The following SPHKAP variants were observed in gnomAD, a reference collection of about 807,000 sequenced individuals.
The protein encoded by SPHKAP is SPHK1 interactor, AKAP domain containing.
A neutral mutation model predicts 137.5 loss-of-function variants in SPHKAP; 67 were observed. That is an observed-to-expected ratio of 0.49 (90% CI 0.40 to 0.60). SPHKAP has a LOEUF of 0.60. Among genes scored for constraint, SPHKAP ranks in the 20% least tolerant of loss-of-function variants. The pLI, the probability that SPHKAP is intolerant of heterozygous loss-of-function variation, is 0.00. For synonymous variants in SPHKAP, 813 were observed against 785.3 expected (o/e 1.04, Z -0.59); for missense variants, 2,097 against 2,069.3 (o/e 1.01, Z -0.26).
Position 228,016,766 on chromosome 2 carries a change from A to G in SPHKAP, c.4088T>C (p.Leu1363Pro). The G allele has an allele frequency of 6.2e-7, 1 of 1,614,110 alleles. No individual in the cohort carries two copies. The highest frequency in any genetic ancestry group is 1.6e-4 in the Middle Eastern group (1 of 6,062). ...CGGGCAATCGAGAGACTCCTGAACA[A>G]GCAGAGTTGGCCCACTGCACATCCT... The part of the protein sequence containing the change: ...ASRMCSGPTL[L>P]VQESLDCPRK... The change falls in exon 7 of 12, where the codon CTT (leucine) becomes CCT (proline). Residue 1363 changes from leucine to proline, a missense_variant. Physicochemically the swap from Leu to Pro is moderately conservative, Grantham distance 98. Transcript: ENST00000392056.
chr2:228,094,398 C>A lies in SPHKAP; in HGVS notation c.246+14434G>T, dbSNP rs1383984547. 4.6e-5 allele frequency among the ~76,000 whole-genome samples: 7 copies of A among 152,200 alleles called. No individual in the cohort carries two copies. In the East Asian group the frequency reaches 1.4e-3, roughly 29 times the overall value. ...ATATCTTCTCAGGTTTATCATAGCT[C>A]TTGGGTTCTGCGATTTCACAAATGG... On this transcript the variant is annotated intron_variant, in intron 3 of 11. Transcript: ENST00000392056.
chr2:228,103,621 T>C (rs1698244572), intron 3 of SPHKAP, among the ~76,000 whole-genome samples: 1 of 152,184 alleles, frequency 6.6e-6, no homozygotes, highest in South Asian at 2.1e-4. Context: ...AGGTAACTCT[T>C]GATGCTTAAA....
intron 8 of SPHKAP, among the ~76,000 whole-genome samples, chr2:227,993,860 A>G (rs1693517292): frequency 6.6e-6 from 1 of 152,200 alleles, no homozygotes; most frequent in South Asian, 2.1e-4. Flanking sequence ...AATAATAATA[A>G]GTTGTGATAC....
chr2:228,125,648 T>C lies in SPHKAP; in HGVS notation c.138+6332A>G, dbSNP rs146048681. Among the ~76,000 whole-genome samples the C allele has an allele frequency of 4.7e-3, 723 of 152,292 alleles. 9 individuals carry two copies. The highest frequency in any genetic ancestry group is 0.016 in the African/African-American group (681 of 41,560). On this transcript the variant is annotated intron_variant, in intron 2 of 11. Transcript: ENST00000392056. ...CTGGAGATAACAGTTTTTTTATTTATTATAAAGAGACTAGGAAGAATTTTC... is the reference window on the plus strand; with the variant it reads ...CTGGAGATAACAGTTTTTTTATTTACTATAAAGAGACTAGGAAGAATTTTC...
At chr2:228,127,825 G>T (rs943193732) in intron 2 of SPHKAP, among the ~76,000 whole-genome samples, 1 of 152,072 alleles carries the variant, frequency 6.6e-6, no homozygotes, top group African/African-American at 2.4e-5. Context: ...ACAATAAAGG[G>T]ACTCACAAAA....
At chr2:227,990,017 G>C (rs1693358257) in intron 11 of SPHKAP, among the ~76,000 whole-genome samples, 1 of 152,204 alleles carries the variant, frequency 6.6e-6, no homozygotes, top group African/African-American at 2.4e-5. Flanking sequence ...ATGTGACAGA[G>C]AATGTAGGTG....
At chr2:228,066,461 A>T (rs779111468) in intron 3 of SPHKAP, among the ~76,000 whole-genome samples, 2 of 152,122 alleles carry the variant, frequency 1.3e-5, no homozygotes, top group African/African-American at 2.4e-5. Flanking sequence ...AGAAAATGGT[A>T]ATTTGTGCCT....
At chr2:228,089,029 G>C (rs1030709891) in intron 3 of SPHKAP, among the ~76,000 whole-genome samples, 1 of 152,192 alleles carries the variant, frequency 6.6e-6, no homozygotes, top group Non-Finnish European at 1.5e-5. Flanking sequence ...TTTTGGAACT[G>C]GGTAATGGGA....
At chr2:228,042,767 C>G (rs1204504150) in intron 3 of SPHKAP, among the ~76,000 whole-genome samples, 1 of 152,162 alleles carries the variant, frequency 6.6e-6, no homozygotes, top group Non-Finnish European at 1.5e-5. Context: ...TAAATGTTAT[C>G]TACTGACCTA....
At chr2:228,103,152 C>T (rs539341145) in intron 3 of SPHKAP, among the ~76,000 whole-genome samples, 5 of 152,290 alleles carry the variant, frequency 3.3e-5, no homozygotes, top group Admixed American at 1.3e-4. Context: ...TCTTCTCCAC[C>T]GATGTTCTGT....
chr2:228,045,294 C>A (rs1193036346), intron 3 of SPHKAP, among the ~76,000 whole-genome samples: 3 of 148,732 alleles, frequency 2.0e-5, no homozygotes, highest in South Asian at 2.2e-4. Context: ...AAGACACATG[C>A]ACACGTATGT....
At chr2:228,129,836 AC>A (rs1177218522) in intron 2 of SPHKAP, among the ~76,000 whole-genome samples, 1 of 143,584 alleles carries the variant, frequency 7.0e-6, no homozygotes, top group East Asian at 2.0e-4. Context: ...TTACTCTGCC[AC>A]CCAGGCTGGA....
At chr2:228,096,437 G>A (rs13432686) in intron 3 of SPHKAP, among the ~76,000 whole-genome samples, 1 of 151,710 alleles carries the variant, frequency 6.6e-6, no homozygotes, top group African/African-American at 2.4e-5. Context: ...CCACCACCCC[G>A]ACAAGCCCCT....
chr2:228,091,568 C>T (rs952472014), intron 3 of SPHKAP, among the ~76,000 whole-genome samples: 2 of 151,798 alleles, frequency 1.3e-5, no homozygotes, highest in African/African-American at 4.8e-5. Context: ...ACAAAATTAG[C>T]AAGAAAAAAG....
chr2:227,990,375 A>G (rs1693369960), intron 11 of SPHKAP, among the ~76,000 whole-genome samples: 1 of 152,234 alleles, frequency 6.6e-6, no homozygotes, highest in Non-Finnish European at 1.5e-5. Context: ...ATTATGGAAA[A>G]TTGAGCTTGA....
chr2:228,147,673 T>A (rs1052778848), intron 1 of SPHKAP, among the ~76,000 whole-genome samples: 6 of 152,192 alleles, frequency 3.9e-5, no homozygotes, highest in African/African-American at 1.4e-4. Context: ...ATGGGACTCA[T>A]ATGATTCACT....
intron 2 of SPHKAP, among the ~76,000 whole-genome samples, chr2:228,124,175 G>T (rs1699000416): frequency 6.6e-6 from 1 of 152,176 alleles, no homozygotes; most frequent in African/African-American, 2.4e-5. Context: ...AGTCAGTGTG[G>T]CAGTTCCTCA....
chr2:228,105,690 C>T (rs767065653), intron 3 of SPHKAP, among the ~76,000 whole-genome samples: 27 of 152,156 alleles, frequency 1.8e-4, no homozygotes, highest in Non-Finnish European at 2.8e-4. Context: ...CATACTGTTC[C>T]GGTGACGGTG....
chr2:228,082,953 C>T (rs1365397659), intron 3 of SPHKAP, among the ~76,000 whole-genome samples: 1 of 151,972 alleles, frequency 6.6e-6, no homozygotes, highest in Admixed American at 6.6e-5. Context: ...TTTAGTGCAC[C>T]ACCCTCCACC....
Sources: allele counts gnomAD v4.1 joint callset (sites outside exome capture counted in the v4.1 genomes callset), GRCh38; gene constraint gnomAD v4.1.1; transcripts MANE v1.5; gene names NCBI Gene and HGNC (gene_info 2026-07-23, HGNC 2026-07-21).